Variants in MAST4 observed in about 807,000 individuals in gnomAD.
MAST4 encodes the protein microtubule associated serine/threonine kinase family member 4.
In MAST4, 89 loss-of-function variants were observed where a neutral mutation model predicts 162.7. The observed-to-expected ratio is 0.55, with a 90% CI of 0.46 to 0.65. The LOEUF (loss-of-function observed/expected upper bound fraction) is 0.65, where lower values mean the gene tolerates loss of function less well. MAST4 is among the 30% of genes least tolerant of loss of function. The pLI is 0.00. For synonymous variants in MAST4, 1,479 were observed against 1,361.1 expected (o/e 1.09, Z -1.91); for missense variants, 3,153 against 3,374.0 (o/e 0.93, Z 1.62).
intron 3 of MAST4, among the ~76,000 whole-genome samples, chr5:66,791,350 A>G: frequency 6.6e-6 from 1 of 152,218 alleles, no homozygotes; most frequent in South Asian, 2.1e-4. Context: ...TCTTCTTACT[A>G]GTACTAACAG....
Position 67,166,377 on chromosome 5 carries a change from T to G in MAST4, c.7198T>G (p.Leu2400Val). The part of the protein sequence containing the change: ...GLSFVHSENR[L>V]KGAERPAAGV... ...TTCCTTTGTGCATAGCGAGAACCGGTTGAAAGGCGCGGAGCGGCCAGCCGC... is the reference window on the plus strand; with the variant it reads ...TTCCTTTGTGCATAGCGAGAACCGGGTGAAAGGCGCGGAGCGGCCAGCCGC... Residue 2400 changes from leucine to valine, a missense_variant, in exon 29 of 29, where the codon TTG becomes GTG. Physicochemically the swap from Leu to Val is conservative, Grantham distance 32. Coordinates refer to ENST00000403625, the MANE Select transcript of MAST4 (RefSeq NM_001164664.2). 6.2e-7 allele frequency: 1 copy of G among 1,611,222 alleles called. No homozygotes were observed. The highest frequency in any genetic ancestry group is 8.5e-7 in the Non-Finnish European group (1 of 1,178,620).
At chr5:67,009,552 A>G (rs1243430400) in intron 4 of MAST4, among the ~76,000 whole-genome samples, 6 of 152,254 alleles carry the variant, frequency 3.9e-5, no homozygotes, top group African/African-American at 1.4e-4. Context: ...ATAAGTATTT[A>G]TCTTATAGGA....
At chr5:66,870,442 G>T (rs148889046) in intron 3 of MAST4, among the ~76,000 whole-genome samples, 1 of 152,158 alleles carries the variant, frequency 6.6e-6, no homozygotes, top group African/African-American at 2.4e-5. Context: ...GAGAAATCAT[G>T]TTCCAGTTTC....
intron 4 of MAST4, among the ~76,000 whole-genome samples, chr5:67,033,205 C>T (rs1755567396): frequency 2.0e-5 from 3 of 151,210 alleles, no homozygotes; most frequent in Admixed American, 2.0e-4. Flanking sequence ...AACACTCTTG[C>T]TGACTTGATA....
intron 1 of MAST4, among the ~76,000 whole-genome samples, chr5:66,619,555 G>A (rs2149405142): frequency 6.6e-6 from 1 of 152,204 alleles, no homozygotes; most frequent in East Asian, 1.9e-4. Context: ...GGAAGCTCAT[G>A]TATGTGGCAA....
intron 2 of MAST4, among the ~76,000 whole-genome samples, chr5:66,775,357 C>T (rs935321772): frequency 3.9e-5 from 6 of 152,040 alleles, no homozygotes; most frequent in Non-Finnish European, 7.4e-5. Context: ...AAAGGGAATG[C>T]TAAGTAGCTG....
At chr5:66,983,479 A>C (rs951750264) in intron 4 of MAST4, among the ~76,000 whole-genome samples, 15 of 152,094 alleles carry the variant, frequency 9.9e-5, no homozygotes, top group African/African-American at 3.6e-4. Context: ...AGATATTTTA[A>C]CCTACCATTT....
intron 1 of MAST4, among the ~76,000 whole-genome samples, chr5:66,681,679 A>C (rs1444615051): frequency 6.6e-6 from 1 of 152,206 alleles, no homozygotes; most frequent in African/African-American, 2.4e-5. Flanking sequence ...ACAAAAAGGC[A>C]CAGCTTGACT....
chr5:67,105,120 TG>T (rs1581577065), intron 10 of MAST4, among the ~76,000 whole-genome samples: 1 of 152,170 alleles, frequency 6.6e-6, no homozygotes, highest in African/African-American at 2.4e-5. Flanking sequence ...GCCTAACACT[TG>T]CATGCCTAGC....
intron 1 of MAST4, among the ~76,000 whole-genome samples, chr5:66,631,524 G>A (rs1278045789): frequency 1.3e-5 from 2 of 152,240 alleles, no homozygotes; most frequent in African/African-American, 4.8e-5. Context: ...GTGAGCTGTG[G>A]GAAAACAGAG....
intron 14 of MAST4, among the ~76,000 whole-genome samples, chr5:67,127,034 GCT>G (rs538092025): frequency 6.1e-4 from 93 of 152,088 alleles, no homozygotes; most frequent in Middle Eastern, 3.4e-3. Flanking sequence ...TCATGATTTG[GCT>G]CTCTGTTTGT....
chr5:66,681,385 G>A (rs936964739), intron 1 of MAST4, among the ~76,000 whole-genome samples: 6 of 152,216 alleles, frequency 3.9e-5, no homozygotes, highest in South Asian at 2.1e-4. Flanking sequence ...TTGAGTCAGA[G>A]TTTGGGCCAG....
At chr5:66,876,387 A>C (rs1761302025) in intron 3 of MAST4, among the ~76,000 whole-genome samples, 2 of 152,122 alleles carry the variant, frequency 1.3e-5, no homozygotes, top group South Asian at 4.2e-4. Flanking sequence ...GAATGCATGC[A>C]GTAGTCATCG....
At chr5:67,078,698 TTATA>T (rs1180868070) in intron 5 of MAST4, among the ~76,000 whole-genome samples, 4 of 129,568 alleles carry the variant, frequency 3.1e-5, no homozygotes, top group Admixed American at 2.4e-4. Flanking sequence ...ATTTATATAT[TTATA>T]TATAATATTT....
intron 3 of MAST4, among the ~76,000 whole-genome samples, chr5:66,819,794 A>G (rs1222668092): frequency 1.7e-5 from 2 of 114,584 alleles, no homozygotes; most frequent in African/African-American, 3.4e-5. Flanking sequence ...TTTTTTTTCC[A>G]ACAGGGTCTC....
At position 66,656,780 on chromosome 5, in the gene MAST4, T is replaced by C. The variant is rs562770663; in HGVS notation, c.363+59762T>C. On this transcript the variant is annotated intron_variant, in intron 1 of 28. Coordinates refer to ENST00000403625, the MANE Select transcript of MAST4 (RefSeq NM_001164664.2). ...AATACCTCCCAGTTTTAAAGTACTC[T>C]AAAATGTTAGGCCCACATGTATTTT... Among the ~76,000 whole-genome samples, 4 of 152,338 alleles carry C rather than the reference T, an allele frequency of 2.6e-5. No individual in the cohort carries two copies. In the South Asian group the frequency reaches 8.3e-4, roughly 32 times the overall value.
At chr5:66,855,991 A>G (rs1334881766) in intron 3 of MAST4, among the ~76,000 whole-genome samples, 1 of 151,972 alleles carries the variant, frequency 6.6e-6, no homozygotes, top group African/African-American at 2.4e-5. Flanking sequence ...GCAAGACCCT[A>G]TCTCTAGAAA....
At chr5:67,005,406 T>A (rs973315965) in intron 4 of MAST4, among the ~76,000 whole-genome samples, 3 of 152,198 alleles carry the variant, frequency 2.0e-5, no homozygotes, top group Non-Finnish European at 4.4e-5. Flanking sequence ...TTTGACCTGA[T>A]CATGTTTATC....
chr5:66,842,899 GTA>G (rs1017286852), intron 3 of MAST4, among the ~76,000 whole-genome samples: 14 of 152,106 alleles, frequency 9.2e-5, no homozygotes, highest in African/African-American at 3.4e-4. Context: ...GGTTCCGCTT[GTA>G]TGTCTAGATA....
Sources: gnomAD v4.1 joint callset for allele counts (sites outside exome capture counted in the v4.1 genomes callset) on GRCh38, gnomAD v4.1.1 for gene constraint, MANE v1.5 for transcripts, NCBI Gene and HGNC (gene_info 2026-07-23, HGNC 2026-07-21) for gene names.